Variants in RAB3IL1 observed in about 807,000 individuals in gnomAD.
RAB3IL1 encodes RAB3A interacting protein like 1, also known as guanine nucleotide exchange factor for Rab-3A.
A neutral mutation model predicts 49.2 loss-of-function variants in RAB3IL1; 37 were observed. The ratio of observed to expected loss-of-function variants is 0.75; its 90% CI spans 0.58 to 0.99. The LOEUF (loss-of-function observed/expected upper bound fraction) is 0.99, where lower values mean the gene tolerates loss of function less well. RAB3IL1 is among the 50% of genes least tolerant of loss of function. The pLI is 0.00. For synonymous variants in RAB3IL1, 193 were observed against 213.9 expected (o/e 0.90, Z 0.85); for missense variants, 484 against 513.0 (o/e 0.94, Z 0.55).
rs374768262 is a variant in RAB3IL1, at chr11:61,908,113, T to C, written c.205A>G (p.Met69Val). 5.0e-6 allele frequency: 8 copies of C among 1,609,748 alleles called. No homozygotes were observed. The highest frequency in any genetic ancestry group is 1.7e-5 in the Admixed American group (1 of 59,968). The stretch of plus-strand genomic sequence containing the variant: ...TCGGAGCCCTTCTCTCGGATCTCCA[T>C]GGAAGAGCTGCGCAGGCGCAACACG... The part of the protein sequence containing the change: ...LDVLRLRSSS[M>V]EIREKGSEFL... The change falls in exon 2 of 10, where the codon ATG (methionine) becomes GTG (valine). Residue 69 changes from methionine (M) to valine (V), a missense_variant. Coordinates refer to ENST00000394836, the MANE Select transcript of RAB3IL1 (RefSeq NM_013401.4).
upstream of RAB3IL1, among the ~76,000 whole-genome samples, chr11:61,919,335 C>A (rs546356162): frequency 5.9e-5 from 9 of 152,296 alleles, no homozygotes; most frequent in African/African-American, 2.2e-4. Context: ...TGGAAGCATC[C>A]ACACTCAATT....
At chr11:61,916,819 C>G (rs139949525) in intron 1 of RAB3IL1, among the ~76,000 whole-genome samples, 3 of 152,252 alleles carry the variant, frequency 2.0e-5, no homozygotes, top group East Asian at 3.9e-4. Context: ...TCTGCTACCC[C>G]ACTCCAGGCT....
intron 1 of RAB3IL1, among the ~76,000 whole-genome samples, chr11:61,917,080 C>G (rs1308640868): frequency 6.6e-6 from 1 of 152,198 alleles, no homozygotes; most frequent in African/African-American, 2.4e-5. Context: ...CACACCCCAA[C>G]TCTTCTCACT....
chr11:61,926,914 A>T, the RAB3IL1 span, among the ~76,000 whole-genome samples: 1 of 147,360 alleles, frequency 6.8e-6, no homozygotes, highest in East Asian at 2.1e-4. Flanking sequence ...GCAATGCCAC[A>T]ATCTTGGCTC....
chr11:61,932,367 A>G, the RAB3IL1 span, among the ~76,000 whole-genome samples: 1 of 152,232 alleles, frequency 6.6e-6, no homozygotes, highest in East Asian at 1.9e-4. Context: ...TTAGCTGGAC[A>G]TGGTGGCTCA....
chr11:61,943,629 C>T, the RAB3IL1 span, among the ~76,000 whole-genome samples: 2 of 152,034 alleles, frequency 1.3e-5, no homozygotes, highest in Non-Finnish European at 1.5e-5. Context: ...AGAAGGCAAA[C>T]AATCCAACTG....
At chr11:61,923,494 C>T (rs1050851355), upstream of RAB3IL1, among the ~76,000 whole-genome samples, 1 of 152,216 alleles carries the variant, frequency 6.6e-6, no homozygotes, top group Non-Finnish European at 1.5e-5. Flanking sequence ...CTGGCAGGCT[C>T]AAGGCAGCCA....
intron 1 of RAB3IL1, among the ~76,000 whole-genome samples, chr11:61,909,808 A>T (rs1939379869): frequency 6.6e-6 from 1 of 152,168 alleles, no homozygotes; most frequent in Non-Finnish European, 1.5e-5. Context: ...TGTCTCCTTT[A>T]AAATTCTCTC....
upstream of RAB3IL1, among the ~76,000 whole-genome samples, chr11:61,922,926 A>G (rs1029564213): frequency 2.0e-5 from 3 of 152,192 alleles, no homozygotes; most frequent in African/African-American, 7.2e-5. Flanking sequence ...GCTTACCTGG[A>G]AACAATTAAT....
chr11:61,920,209 TG>T, upstream of RAB3IL1: 1 of 1,254,180 alleles, frequency 8.0e-7, no homozygotes, highest in Non-Finnish European at 1.0e-6. Context: ...AAGGCCAGAC[TG>T]AGGGTCCCTC....
chr11:61,908,308 T>G lies in RAB3IL1; in HGVS notation c.12-2A>C. The G allele has an allele frequency of 6.8e-7, 1 of 1,468,244 alleles. No homozygotes were observed. Among genetic ancestry groups the G allele is most frequent in the Non-Finnish European group, 9.0e-7 (1 of 1,114,096 alleles). The allele number at this position is 1,468,244 out of a possible 1,614,324, so 91.0% of individuals were successfully genotyped here. A position where few individuals can be genotyped will look rare whatever the true frequency, so the allele number is the denominator to read the frequency against. ...AGGCCCTGGTCTGGCTGGGGTGGGC[T>G]GGAGACAAACAAGGGTATCAGCAGG... On this transcript the variant is annotated splice_acceptor_variant, in intron 1 of 9. Coordinates refer to ENST00000394836, the MANE Select transcript of RAB3IL1 (RefSeq NM_013401.4). LOFTEE classifies it high-confidence loss of function.
At chr11:61,917,224 T>C (rs1330624463) in intron 1 of RAB3IL1, 133 bp downstream of exon 1, 12 of 1,252,674 alleles carry the variant, frequency 9.6e-6, no homozygotes, top group East Asian at 3.4e-5. Flanking sequence ...TCGGCTCGCC[T>C]GCAGGCAGGG....
chr11:61,914,829 C>A (rs1939607745), intron 1 of RAB3IL1, among the ~76,000 whole-genome samples: 1 of 152,180 alleles, frequency 6.6e-6, no homozygotes, highest in Non-Finnish European at 1.5e-5. Flanking sequence ...CCGCTGGGGT[C>A]ACCAACTCCT....
chr11:61,914,973 G>T (rs1939614401), intron 1 of RAB3IL1, among the ~76,000 whole-genome samples: 1 of 152,124 alleles, frequency 6.6e-6, no homozygotes, highest in South Asian at 2.1e-4. Context: ...TGGGGTCTGG[G>T]TGAGCTCCTA....
chr11:61,930,310 A>T, the RAB3IL1 span, among the ~76,000 whole-genome samples: 1 of 152,192 alleles, frequency 6.6e-6, no homozygotes, highest in Non-Finnish European at 1.5e-5. Context: ...AATGTTCTAG[A>T]GATGGATAAT....
chr11:61,922,317 G>C (rs960214259), upstream of RAB3IL1, among the ~76,000 whole-genome samples: 6 of 152,080 alleles, frequency 3.9e-5, no homozygotes, highest in African/African-American at 1.4e-4. Flanking sequence ...GAGGTTGGGA[G>C]TTTGAGACCA....
intron 9 of RAB3IL1, 146 bp downstream of exon 9, chr11:61,899,168 C>T (rs939485532): frequency 2.0e-5 from 18 of 902,214 alleles, no homozygotes; most frequent in South Asian, 1.1e-4. Context: ...AGTTTGTGAA[C>T]GCTTTACTAA....
upstream of RAB3IL1, among the ~76,000 whole-genome samples, chr11:61,919,111 A>G (rs1251474068): frequency 1.3e-5 from 2 of 152,180 alleles, no homozygotes; most frequent in African/African-American, 4.8e-5. Context: ...AAAATGACAC[A>G]AAAGGAACCC....
chr11:61,904,974 C>T (rs896376139), intron 5 of RAB3IL1, 92 bp from the exon 6 acceptor site: 32 of 977,958 alleles, frequency 3.3e-5, no homozygotes, highest in African/African-American at 9.8e-5. Flanking sequence ...CGAGGGAGGA[C>T]GTGGGGCAGG....
Sources: gnomAD v4.1 joint callset for allele counts (sites outside exome capture counted in the v4.1 genomes callset) on GRCh38, gnomAD v4.1.1 for gene constraint, MANE v1.5 for transcripts, NCBI Gene and HGNC (gene_info 2026-07-23, HGNC 2026-07-21) for gene names.